Variants in CNTNAP5 observed in about 807,000 individuals in gnomAD.
CNTNAP5 encodes the protein contactin associated protein family member 5, also known as contactin-associated protein-like 5.
Under a neutral mutation model 150.2 loss-of-function variants are expected in CNTNAP5, and 72 were observed. The observed-to-expected ratio is 0.48, with a 90% CI of 0.40 to 0.58. The LOEUF (loss-of-function observed/expected upper bound fraction) is 0.58, where lower values mean the gene tolerates loss of function less well. Ranked by LOEUF, CNTNAP5 falls within the 20% of genes least tolerant of loss-of-function variation. CNTNAP5 has a pLI of 0.00. For missense variants in CNTNAP5, 1,636 were observed against 1,626.2 expected, an observed-to-expected ratio of 1.01 and a Z score of -0.10; for synonymous variants, 672 against 619.8, an observed-to-expected ratio of 1.08 and a Z score of -1.25.
intron 8 of CNTNAP5, among the ~76,000 whole-genome samples, chr2:124,512,655 G>T (rs6708079): frequency 0.85 from 129,462 of 152,222 alleles, 55,215 homozygotes; most frequent in East Asian, 1. Context: ...CTCAACCACC[G>T]TATAACATTT....
intron 3 of CNTNAP5, among the ~76,000 whole-genome samples, chr2:124,317,363 T>A (rs1688993502): frequency 1.3e-5 from 2 of 152,188 alleles, no homozygotes; most frequent in African/African-American, 2.4e-5. Context: ...TAAGCAAATT[T>A]TCACGTCACT....
intron 1 of CNTNAP5, among the ~76,000 whole-genome samples, chr2:124,170,853 G>A (rs532913471): frequency 2.0e-5 from 3 of 151,828 alleles, no homozygotes; most frequent in South Asian, 2.1e-4. Context: ...TGGAAAGACC[G>A]TGTTCACAGA....
intron 1 of CNTNAP5, among the ~76,000 whole-genome samples, chr2:124,107,751 G>T (rs1241280121): frequency 6.6e-6 from 1 of 152,172 alleles, no homozygotes; most frequent in Non-Finnish European, 1.5e-5. Context: ...AGTTTATTTT[G>T]TCAAGGTTAA....
chr2:124,291,454 A>G (rs1688290966), intron 3 of CNTNAP5, among the ~76,000 whole-genome samples: 1 of 150,158 alleles, frequency 6.7e-6, no homozygotes, highest in South Asian at 2.2e-4. Flanking sequence ...ATTTTTATCT[A>G]TTTAGAAACT....
At chr2:124,193,858 A>G (rs923160169) in intron 1 of CNTNAP5, among the ~76,000 whole-genome samples, 4 of 152,046 alleles carry the variant, frequency 2.6e-5, no homozygotes, top group Non-Finnish European at 4.4e-5. Context: ...GTGGAGAGGG[A>G]GGAGACAGAG....
chr2:124,416,240 G>C (rs921717625), intron 3 of CNTNAP5, among the ~76,000 whole-genome samples: 1 of 152,078 alleles, frequency 6.6e-6, no homozygotes, highest in Non-Finnish European at 1.5e-5. Flanking sequence ...AGAGAATTGA[G>C]GCTACTTCTT....
chr2:124,613,358 C>T (rs1677424723), intron 12 of CNTNAP5, among the ~76,000 whole-genome samples: 1 of 152,250 alleles, frequency 6.6e-6, no homozygotes, highest in East Asian at 1.9e-4. Context: ...GTCCAGAGCA[C>T]CAGAAGGCAG....
chr2:124,271,104 T>C (rs1266410718), intron 3 of CNTNAP5, among the ~76,000 whole-genome samples: 1 of 151,872 alleles, frequency 6.6e-6, no homozygotes, highest in African/African-American at 2.4e-5. Flanking sequence ...ATATAATCAA[T>C]GAATGTTTCG....
chr2:124,355,801 A>T (rs1356126697), intron 3 of CNTNAP5, among the ~76,000 whole-genome samples: 1 of 152,178 alleles, frequency 6.6e-6, no homozygotes, highest in East Asian at 1.9e-4. Context: ...ATTTGCATTT[A>T]CTGAAAATGA....
intron 3 of CNTNAP5, among the ~76,000 whole-genome samples, chr2:124,393,488 C>A (rs1691170821): frequency 6.6e-6 from 1 of 152,122 alleles, no homozygotes; most frequent in Admixed American, 6.5e-5. Flanking sequence ...TAGGTCAAAG[C>A]AAATTACACA....
At chr2:124,216,705 C>T (rs1686166119) in intron 1 of CNTNAP5, among the ~76,000 whole-genome samples, 2 of 152,260 alleles carry the variant, frequency 1.3e-5, no homozygotes, top group East Asian at 1.9e-4. Context: ...CATGTCCCTA[C>T]AAAGGACATG....
chr2:124,715,701 C>T (rs190448865), intron 13 of CNTNAP5, among the ~76,000 whole-genome samples: 99 of 152,196 alleles, frequency 6.5e-4, no homozygotes, highest in Non-Finnish European at 1.3e-3. Flanking sequence ...CTTAGTCACA[C>T]GGCTTTAACT....
intron 7 of CNTNAP5, among the ~76,000 whole-genome samples, chr2:124,500,600 C>T (rs75920566): frequency 9.2e-5 from 14 of 152,178 alleles, no homozygotes; most frequent in Non-Finnish European, 1.3e-4. Context: ...CTGGAAAAAA[C>T]GGGACATGGA....
intron 3 of CNTNAP5, among the ~76,000 whole-genome samples, chr2:124,381,181 T>C (rs1036603782): frequency 1.3e-5 from 2 of 152,132 alleles, no homozygotes; most frequent in Admixed American, 6.5e-5. Flanking sequence ...CAAGTGCACA[T>C]GGCAAAGAGA....
chr2:124,507,954 C>G (rs12621169), intron 8 of CNTNAP5, among the ~76,000 whole-genome samples: 38,409 of 152,110 alleles, frequency 0.25, 5,158 homozygotes, highest in South Asian at 0.45. Context: ...CTCGTCACTT[C>G]TGTCATATTC....
At chr2:124,781,985 G>A (rs371475148) in intron 17 of CNTNAP5, among the ~76,000 whole-genome samples, 2 of 152,282 alleles carry the variant, frequency 1.3e-5, no homozygotes, top group South Asian at 2.1e-4. Context: ...AGAGGAGTGT[G>A]CTCCAAAAGC....
intron 14 of CNTNAP5, among the ~76,000 whole-genome samples, chr2:124,755,489 A>C: frequency 6.6e-6 from 1 of 152,142 alleles, no homozygotes; most frequent in East Asian, 1.9e-4. Context: ...CTTGATCAGA[A>C]TTTACTGGAA....
intron 18 of CNTNAP5, 63 bp downstream of exon 18, chr2:124,790,204 G>A: frequency 2.7e-6 from 4 of 1,484,812 alleles, no homozygotes; most frequent in Non-Finnish European, 3.6e-6. Flanking sequence ...CTATGGTCAG[G>A]CCATGTGATA....
chr2:124,809,623 G>A (rs572140994), intron 19 of CNTNAP5, among the ~76,000 whole-genome samples: 1 of 151,720 alleles, frequency 6.6e-6, no homozygotes, highest in Non-Finnish European at 1.5e-5. Context: ...AATAACTTTT[G>A]GAAATGTGAT....
Sources: gnomAD v4.1 joint callset for allele counts (sites outside exome capture counted in the v4.1 genomes callset) on GRCh38, gnomAD v4.1.1 for gene constraint, MANE v1.5 for transcripts, NCBI Gene and HGNC (gene_info 2026-07-23, HGNC 2026-07-21) for gene names.